PCDH15: variants seen among roughly 807,000 people sequenced by gnomAD.
The protein encoded by PCDH15 is protocadherin-15.
In PCDH15, 129 loss-of-function variants were observed where a neutral mutation model predicts 178.5. The ratio of observed to expected loss-of-function variants is 0.72; its 90% CI spans 0.63 to 0.84. The LOEUF (loss-of-function observed/expected upper bound fraction) is 0.84, where lower values mean the gene tolerates loss of function less well. Among genes scored for constraint, PCDH15 ranks in the 40% least tolerant of loss-of-function variants. The pLI is 0.00. For missense variants in PCDH15, 2,230 were observed against 2,099.9 expected (o/e 1.06, Z -1.21); for synonymous variants, 800 against 732.0 (o/e 1.09, Z -1.50).
At chr10:55,239,910 A>G (rs1156260395) in intron 1 of PCDH15, among the ~76,000 whole-genome samples, 3 of 152,206 alleles carry the variant, frequency 2.0e-5, no homozygotes, top group Non-Finnish European at 2.9e-5. Flanking sequence ...GAAAACATAC[A>G]TATAGACAAG....
intron 26 of PCDH15, among the ~76,000 whole-genome samples, chr10:53,894,633 T>G (rs150148709): frequency 1.6e-4 from 24 of 152,176 alleles, no homozygotes; most frequent in Non-Finnish European, 2.8e-4. Context: ...AAAACATAAA[T>G]GGTGATTTTG....
chr10:54,025,545 C>G (rs1369426866), intron 18 of PCDH15, among the ~76,000 whole-genome samples: 1 of 150,582 alleles, frequency 6.6e-6, no homozygotes, highest in African/African-American at 2.4e-5. Flanking sequence ...GTTGCCCAGG[C>G]TGGAGTGCAG....
intron 3 of PCDH15, among the ~76,000 whole-genome samples, chr10:54,512,362 TGTGTGTG>T (rs1565463741): frequency 3.6e-5 from 3 of 83,958 alleles, no homozygotes; most frequent in East Asian, 3.2e-4. Flanking sequence ...TCTGGCATTG[TGTGTGTG>T]TGTGTGTGTG....
chr10:54,640,896 G>C (rs571478906), intron 2 of PCDH15, among the ~76,000 whole-genome samples: 5 of 152,118 alleles, frequency 3.3e-5, no homozygotes, highest in Non-Finnish European at 5.9e-5. Context: ...TTGAGGTCAG[G>C]AGTTGGAGAC....
intron 2 of PCDH15, among the ~76,000 whole-genome samples, chr10:54,569,522 T>G (rs1018472629): frequency 6.6e-6 from 1 of 152,156 alleles, no homozygotes; most frequent in Non-Finnish European, 1.5e-5. Flanking sequence ...TTTTAAAGTG[T>G]TCCATTTCAG....
intron 1 of PCDH15, among the ~76,000 whole-genome samples, chr10:55,293,189 C>T (rs1410463799): frequency 6.6e-6 from 1 of 152,182 alleles, no homozygotes; most frequent in Non-Finnish European, 1.5e-5. Context: ...CTCCCTGAAG[C>T]CATGGCTTGA....
chr10:54,968,358 A>T (rs997798451), intron 2 of PCDH15, among the ~76,000 whole-genome samples: 1 of 152,026 alleles, frequency 6.6e-6, no homozygotes, highest in Non-Finnish European at 1.5e-5. Flanking sequence ...ATAATTTCAT[A>T]TCCTTTTATT....
At chr10:55,491,474 C>CAGA (rs1160757765) in intron 2 of PCDH15, among the ~76,000 whole-genome samples, 1 of 151,590 alleles carries the variant, frequency 6.6e-6, no homozygotes, top group Non-Finnish European at 1.5e-5. Context: ...TGGGGAAAGT[C>CAGA]AGAACTGCAG....
intron 8 of PCDH15, among the ~76,000 whole-genome samples, chr10:54,261,403 A>G (rs1434836005): frequency 6.6e-6 from 1 of 151,976 alleles, no homozygotes; most frequent in Non-Finnish European, 1.5e-5. Context: ...AATACTTCAA[A>G]TAGATAAGAA....
At chr10:54,778,386 A>C (rs145350596) in intron 1 of PCDH15, among the ~76,000 whole-genome samples, 69 of 152,282 alleles carry the variant, frequency 4.5e-4, no homozygotes, top group African/African-American at 1.4e-3. Flanking sequence ...CAATCCATCA[A>C]TAGTCCCGGG....
intron 3 of PCDH15, among the ~76,000 whole-genome samples, chr10:54,409,206 T>A (rs962696761): frequency 6.6e-6 from 1 of 152,152 alleles, no homozygotes; most frequent in East Asian, 1.9e-4. Flanking sequence ...ACTTCTTTCT[T>A]TTGTAAATCG....
intron 2 of PCDH15, among the ~76,000 whole-genome samples, chr10:55,117,306 G>A (rs971516413): frequency 6.6e-6 from 1 of 152,124 alleles, no homozygotes; most frequent in Non-Finnish European, 1.5e-5. Context: ...GCCTTCTGCT[G>A]TATTCATTAG....
chr10:54,418,133 G>A (rs1339361619), intron 3 of PCDH15, among the ~76,000 whole-genome samples: 1 of 152,102 alleles, frequency 6.6e-6, no homozygotes, highest in African/African-American at 2.4e-5. Context: ...AAGATAACAG[G>A]TTAGGGAAAA....
intron 3 of PCDH15, among the ~76,000 whole-genome samples, chr10:54,388,617 C>T (rs1166497676): frequency 6.6e-6 from 1 of 152,210 alleles, no homozygotes; most frequent in Non-Finnish European, 1.5e-5. Context: ...CTTCTGCTAG[C>T]TGCTTCTGAA....
intron 2 of PCDH15, among the ~76,000 whole-genome samples, chr10:55,094,246 A>G (rs1027506478): frequency 6.6e-6 from 1 of 152,094 alleles, no homozygotes; most frequent in African/African-American, 2.4e-5. Flanking sequence ...TTGTAGGGAC[A>G]TGGATGAAGC....
At chr10:53,833,536 C>A (rs2077133287) in intron 29 of PCDH15, among the ~76,000 whole-genome samples, 1 of 151,990 alleles carries the variant, frequency 6.6e-6, no homozygotes, top group Admixed American at 6.6e-5. Context: ...TTTTATCATG[C>A]AAATGAGATA....
intron 18 of PCDH15, among the ~76,000 whole-genome samples, chr10:54,052,525 C>T (rs2093799184): frequency 6.6e-6 from 1 of 152,140 alleles, no homozygotes; most frequent in Admixed American, 6.5e-5. Context: ...ATTTAGAATG[C>T]ATGTGTTTAT....
At chr10:54,687,263 T>A (rs1340374176) in intron 1 of PCDH15, among the ~76,000 whole-genome samples, 2 of 152,062 alleles carry the variant, frequency 1.3e-5, no homozygotes, top group African/African-American at 2.4e-5. Flanking sequence ...TAAAAAAATT[T>A]AAAAATGGAA....
intron 2 of PCDH15, among the ~76,000 whole-genome samples, chr10:55,352,510 T>C (rs192980153): frequency 8.3e-4 from 126 of 152,218 alleles, no homozygotes; most frequent in African/African-American, 2.2e-3. Flanking sequence ...TTGAAAGCAA[T>C]CATCGAAGCT....
Sources: allele counts gnomAD v4.1 joint callset (sites outside exome capture counted in the v4.1 genomes callset), GRCh38; gene constraint gnomAD v4.1.1; transcripts MANE v1.5; gene names NCBI Gene and HGNC (gene_info 2026-07-23, HGNC 2026-07-21).